IQGAP2: variants seen among roughly 807,000 people sequenced by gnomAD.
IQGAP2 encodes the protein ras GTPase-activating-like protein IQGAP2.
A neutral mutation model predicts 201.3 loss-of-function variants in IQGAP2; 173 were observed. That is an observed-to-expected ratio of 0.86 (90% CI 0.76 to 0.98). The LOEUF is 0.98. Ranked by LOEUF, IQGAP2 falls within the 50% of genes least tolerant of loss-of-function variation. The pLI, the probability that IQGAP2 is intolerant of heterozygous loss-of-function variation, is 0.00. For synonymous variants in IQGAP2, 675 were observed against 673.9 expected (o/e 1.00, Z -0.03); for missense variants, 1,687 against 1,864.8 (o/e 0.90, Z 1.76).
chr5:76,626,845 A>G (rs1018175328), intron 13 of IQGAP2, among the ~76,000 whole-genome samples: 2 of 152,164 alleles, frequency 1.3e-5, no homozygotes, highest in African/African-American at 4.8e-5. Context: ...CTGAATGGTA[A>G]GAAAAAGCCA....
At chr5:76,518,161 C>T (rs1471671985) in intron 2 of IQGAP2, among the ~76,000 whole-genome samples, 1 of 152,076 alleles carries the variant, frequency 6.6e-6, no homozygotes, top group African/African-American at 2.4e-5. Flanking sequence ...GGGGTTTCAC[C>T]ATGTTGGCCG....
At chr5:76,509,231 A>G (rs1413571444) in intron 2 of IQGAP2, among the ~76,000 whole-genome samples, 1 of 152,180 alleles carries the variant, frequency 6.6e-6, no homozygotes, top group Non-Finnish European at 1.5e-5. Context: ...TAGCCAGCCA[A>G]TGGGAGTGTT....
chr5:76,429,358 G>T (rs1231379642), intron 1 of IQGAP2, among the ~76,000 whole-genome samples: 1 of 151,464 alleles, frequency 6.6e-6, no homozygotes, highest in Non-Finnish European at 1.5e-5. Flanking sequence ...AGATCACGAG[G>T]TCCGGAGATC....
At chr5:76,623,304 C>T in intron 13 of IQGAP2, 1 of 1,550,452 alleles carries the variant, frequency 6.4e-7, no homozygotes, top group South Asian at 1.1e-5. Flanking sequence ...CACCTCAGTT[C>T]CATGTGTCAG....
chr5:76,682,887 GA>G (rs1386561740), intron 28 of IQGAP2, among the ~76,000 whole-genome samples: 1 of 152,118 alleles, frequency 6.6e-6, no homozygotes, highest in Non-Finnish European at 1.5e-5. Flanking sequence ...AGACCTTGCT[GA>G]AAAAGGGTTT....
intron 2 of IQGAP2, among the ~76,000 whole-genome samples, chr5:76,518,629 G>A (rs192893253): frequency 3.3e-3 from 508 of 152,220 alleles, no homozygotes; most frequent in African/African-American, 0.012. Flanking sequence ...AAGTAATGGC[G>A]GTTCTTCTGG....
intron 24 of IQGAP2, among the ~76,000 whole-genome samples, chr5:76,672,740 C>T (rs1744454539): frequency 6.6e-6 from 1 of 152,100 alleles, no homozygotes; most frequent in African/African-American, 2.4e-5. Context: ...TTGCATTACA[C>T]CCATCAATAT....
At chr5:76,610,818 T>G (rs1426426040) in intron 12 of IQGAP2, among the ~76,000 whole-genome samples, 1 of 152,208 alleles carries the variant, frequency 6.6e-6, no homozygotes, top group African/African-American at 2.4e-5. Flanking sequence ...TATTTGTAGT[T>G]GCAGTCTTAT....
intron 2 of IQGAP2, among the ~76,000 whole-genome samples, chr5:76,484,940 G>T (rs4703709): frequency 0.59 from 90,342 of 152,036 alleles, 26,951 homozygotes; most frequent in East Asian, 0.73. Context: ...GGGATCCTCC[G>T]GCCTCAGCCT....
At chr5:76,643,529 T>C (rs1336490345) in intron 17 of IQGAP2, among the ~76,000 whole-genome samples, 1 of 152,134 alleles carries the variant, frequency 6.6e-6, no homozygotes, top group Non-Finnish European at 1.5e-5. Context: ...GGTAAGATGA[T>C]AGAGATAATG....
chr5:76,525,556 G>C (rs891073958), intron 2 of IQGAP2, among the ~76,000 whole-genome samples: 1 of 152,112 alleles, frequency 6.6e-6, no homozygotes, highest in Non-Finnish European at 1.5e-5. Flanking sequence ...GGCAGGCTGG[G>C]TGGCAAAATG....
intron 2 of IQGAP2, among the ~76,000 whole-genome samples, chr5:76,513,554 T>A (rs1457553853): frequency 6.6e-6 from 1 of 152,198 alleles, no homozygotes; most frequent in African/African-American, 2.4e-5. Flanking sequence ...AAATATTGAT[T>A]TGCCACAGTG....
chr5:76,511,241 TG>T lies in IQGAP2; in HGVS notation c.146+49573del, dbSNP rs577090770. Among the ~76,000 whole-genome samples, 356 of 152,318 alleles carry T rather than the reference TG, an allele frequency of 2.3e-3. 2 individuals carry two copies. The highest frequency in any genetic ancestry group is 8.0e-3 in the African/African-American group (333 of 41,564). ...TGGCTAATGGTATTGGTTCAACAGC[TG>T]TGTGATGGTAGGGGTCACATCTCCG... On this transcript the variant is annotated intron_variant, in intron 2 of 35. Transcript: ENST00000274364.
At chr5:76,690,606 T>A (rs1292590980) in intron 30 of IQGAP2, among the ~76,000 whole-genome samples, 2 of 152,104 alleles carry the variant, frequency 1.3e-5, no homozygotes, top group African/African-American at 4.8e-5. Flanking sequence ...CAAAAGAAAT[T>A]TAATATGAGC....
In IQGAP2 at chr5:76,627,423, T is replaced by A; in HGVS notation, c.1535T>A (p.Val512Asp). 1 of 1,600,132 alleles carries A rather than the reference T, an allele frequency of 6.2e-7. No individual in the cohort carries two copies. The highest frequency in any genetic ancestry group is 1.1e-5 in the South Asian group (1 of 90,712). ...CATTGTCCCCAGGACTCTGAGAGTG[T>A]TTCCAAAGTGCTTTGGCTGGATGAG... ...KSQKLGDSES[V>D]SKVLWLDEIQ... Residue 512 changes from valine to aspartate, a missense_variant, in exon 14 of 36, where the codon GTT becomes GAT. Coordinates refer to ENST00000274364, the MANE Select transcript of IQGAP2 (RefSeq NM_006633.5).
intron 2 of IQGAP2, among the ~76,000 whole-genome samples, chr5:76,503,255 C>A (rs1428198845): frequency 1.4e-5 from 2 of 145,618 alleles, no homozygotes; most frequent in Admixed American, 1.4e-4. Flanking sequence ...CTAACTGCAA[C>A]CTCCCCCTCC....
At chr5:76,625,230 A>T (rs948181239) in intron 13 of IQGAP2, among the ~76,000 whole-genome samples, 22 of 152,220 alleles carry the variant, frequency 1.4e-4, no homozygotes, top group African/African-American at 5.3e-4. Context: ...CTAATACTTT[A>T]AGCTTTGAAG....
At chr5:76,442,360 C>A (rs1457693213) in intron 1 of IQGAP2, among the ~76,000 whole-genome samples, 1 of 152,122 alleles carries the variant, frequency 6.6e-6, no homozygotes, top group Non-Finnish European at 1.5e-5. Flanking sequence ...AAAATGACAT[C>A]ACAGTAAAAC....
intron 4 of IQGAP2, among the ~76,000 whole-genome samples, chr5:76,571,462 G>A (rs886589184): frequency 1.3e-5 from 2 of 152,154 alleles, no homozygotes; most frequent in Non-Finnish European, 1.5e-5. Context: ...TGGGATTACA[G>A]GGATGAGCTA....
Sources: gnomAD v4.1 joint callset for allele counts (sites outside exome capture counted in the v4.1 genomes callset) on GRCh38, gnomAD v4.1.1 for gene constraint, MANE v1.5 for transcripts, NCBI Gene and HGNC (gene_info 2026-07-23, HGNC 2026-07-21) for gene names.